Variants in FGF14 observed in about 807,000 individuals in gnomAD.
The protein encoded by FGF14 is fibroblast growth factor 14, also known as fibroblast growth factor homologous factor 4.
In FGF14, 5 loss-of-function variants were observed where a neutral mutation model predicts 25.5. The ratio of observed to expected loss-of-function variants is 0.20; its 90% CI spans 0.10 to 0.41. The LOEUF (loss-of-function observed/expected upper bound fraction) is 0.41. FGF14 is among the 10% of genes least tolerant of loss of function. The pLI is 1.00. For missense variants in FGF14, 222 were observed against 320.1 expected (o/e 0.69, Z 2.34); for synonymous variants, 138 against 118.3 (o/e 1.17, Z -1.08).
chr13:102,320,934 A>G (rs569106013), intron 1 of FGF14, among the ~76,000 whole-genome samples: 1 of 152,280 alleles, frequency 6.6e-6, no homozygotes, highest in Admixed American at 6.5e-5. Context: ...ATAGACTCCC[A>G]ATAGGACCAG....
chr13:102,113,385 C>T (rs888920966), intron 1 of FGF14, among the ~76,000 whole-genome samples: 1 of 152,120 alleles, frequency 6.6e-6, no homozygotes, highest in African/African-American at 2.4e-5. Flanking sequence ...GATAGGACAT[C>T]GATCAAACCA....
chr13:102,023,043 G>GACAC (rs59221538), intron 1 of FGF14, among the ~76,000 whole-genome samples: 24,053 of 146,062 alleles, frequency 0.16, 2,084 homozygotes, highest in East Asian at 0.35. Context: ...AATATTTTCG[G>GACAC]ACACACACAC....
At chr13:101,803,244 T>G (rs1311617146) in intron 3 of FGF14, among the ~76,000 whole-genome samples, 1 of 150,856 alleles carries the variant, frequency 6.6e-6, no homozygotes, top group Admixed American at 6.6e-5. Flanking sequence ...TCATTCCACC[T>G]CAGCCTCCCA....
chr13:102,124,243 G>A (rs544665884), intron 1 of FGF14, among the ~76,000 whole-genome samples: 6 of 152,240 alleles, frequency 3.9e-5, no homozygotes, highest in South Asian at 2.1e-4. Flanking sequence ...TAAGAGAAAA[G>A]AGGAAAAATT....
chr13:102,280,425 T>G (rs968573340), intron 1 of FGF14, among the ~76,000 whole-genome samples: 2 of 152,260 alleles, frequency 1.3e-5, no homozygotes, highest in African/African-American at 4.8e-5. Flanking sequence ...GACTGCTCCA[T>G]GAGATGCTCA....
chr13:101,940,282 G>C (rs1477516232), intron 1 of FGF14, among the ~76,000 whole-genome samples: 1 of 152,224 alleles, frequency 6.6e-6, no homozygotes, highest in Non-Finnish European at 1.5e-5. Context: ...TCTCCCAAAA[G>C]AGGTCACCTC....
chr13:102,237,523 T>C (rs1051045556), intron 1 of FGF14, among the ~76,000 whole-genome samples: 16 of 151,906 alleles, frequency 1.1e-4, no homozygotes, highest in Non-Finnish European at 1.9e-4. Flanking sequence ...GTGCAAACCC[T>C]GTTTCAGCAG....
chr13:102,312,747 T>C (rs1020984446), intron 1 of FGF14, among the ~76,000 whole-genome samples: 3 of 152,190 alleles, frequency 2.0e-5, no homozygotes, highest in African/African-American at 7.2e-5. Flanking sequence ...TTTCAGGGCA[T>C]GGATTTGAAA....
At chr13:101,902,081 A>T (rs184979958) in intron 1 of FGF14, among the ~76,000 whole-genome samples, 1 of 152,272 alleles carries the variant, frequency 6.6e-6, no homozygotes, top group African/African-American at 2.4e-5. Flanking sequence ...AACCATAGGA[A>T]TATCTCAGTT....
chr13:102,192,354 C>G (rs946602804), intron 1 of FGF14, among the ~76,000 whole-genome samples: 1 of 152,132 alleles, frequency 6.6e-6, no homozygotes, highest in East Asian at 1.9e-4. Flanking sequence ...TATTCCTGGC[C>G]TCTTCTGAGA....
At chr13:102,141,851 T>C (rs994104952) in intron 1 of FGF14, among the ~76,000 whole-genome samples, 4 of 152,180 alleles carry the variant, frequency 2.6e-5, no homozygotes, top group African/African-American at 9.7e-5. Context: ...GGAAAAGGTT[T>C]TGAAAATGAC....
At chr13:102,163,445 G>A (rs1029745787) in intron 1 of FGF14, among the ~76,000 whole-genome samples, 2 of 152,152 alleles carry the variant, frequency 1.3e-5, no homozygotes, top group African/African-American at 4.8e-5. Flanking sequence ...AAGCAGTGTT[G>A]AGGCTCTGCC....
In FGF14 at chr13:101,715,469, T is replaced by C. The variant is rs1213499493; in HGVS notation, c.*7362A>G. ...GAAAATCTACCAAGGATGAATGAAA[T>C]GATTTCATTGTGGACACTTGTGATT... On this transcript the variant is annotated 3_prime_UTR_variant, in exon 5 of 5. Transcript: ENST00000376143. 8.1e-6 allele frequency: 7 copies of C among 866,498 alleles called. No individual in the cohort carries two copies. In the Admixed American group the frequency reaches 1.3e-4, roughly 16 times the overall value. 53.7% of individuals were successfully genotyped at this position (866,498 alleles called of 1,614,324 possible).
rs1164872322 is a variant in FGF14 at position 101,956,778 on chromosome 13, A to AAAG, written c.209-81483_209-81482insCTT. The stretch of plus-strand genomic sequence containing the variant: ...TATTATTCACTTTACCAAAAAAAAA[A>AAAG]AAAAAGAAAAAGTAAAAGTATTTAC... On this transcript the variant is annotated intron_variant, in intron 1 of 4. Coordinates refer to the FGF14 transcript ENST00000376131. 6.6e-5 allele frequency among the ~76,000 whole-genome samples: 10 copies of AAAG among 151,392 alleles called. No individual in the cohort carries two copies. The East Asian group carries it at 1.5e-3, about 23-fold the overall frequency.
At chr13:102,154,670 T>C (rs1208362745) in intron 1 of FGF14, among the ~76,000 whole-genome samples, 1 of 152,206 alleles carries the variant, frequency 6.6e-6, no homozygotes, top group East Asian at 1.9e-4. Flanking sequence ...ATAACAATAT[T>C]AACCTTAAAC....
intron 1 of FGF14, among the ~76,000 whole-genome samples, chr13:102,202,163 C>G (rs1399051544): frequency 6.6e-6 from 1 of 152,206 alleles, no homozygotes; most frequent in African/African-American, 2.4e-5. Flanking sequence ...GCTTCCTATA[C>G]AGCCTGCGAA....
intron 3 of FGF14, among the ~76,000 whole-genome samples, chr13:101,813,267 G>T (rs191812090): frequency 3.9e-5 from 6 of 152,158 alleles, no homozygotes; most frequent in African/African-American, 1.4e-4. Flanking sequence ...GTCCTCCAAA[G>T]TTCCCATGTT....
chr13:102,151,887 C>T (rs918082272), intron 1 of FGF14, among the ~76,000 whole-genome samples: 1 of 152,142 alleles, frequency 6.6e-6, no homozygotes, highest in Non-Finnish European at 1.5e-5. Context: ...TTATGTAACT[C>T]TATAGCTTGT....
In FGF14 at chr13:102,036,073, TAGAG is replaced by T. The variant is rs1452444735; in HGVS notation, c.209-160781_209-160778del. ...GAGAGGGGATGTGGGAGTGGGGAAA[TAGAG>T]AGAGAAAAACATTATCCCAGGTATT... On this transcript the variant is annotated intron_variant, in intron 1 of 4. Coordinates refer to the FGF14 transcript ENST00000376131. Among the ~76,000 whole-genome samples the T allele has an allele frequency of 5.3e-5, 8 of 152,034 alleles. No individual in the cohort carries two copies. In the South Asian group the frequency reaches 8.3e-4, roughly 16 times the overall value.
Sources: allele counts gnomAD v4.1 joint callset (sites outside exome capture counted in the v4.1 genomes callset), GRCh38; gene constraint gnomAD v4.1.1; transcripts MANE v1.5; gene names NCBI Gene and HGNC (gene_info 2026-07-23, HGNC 2026-07-21).